CLSPN: variants seen among roughly 807,000 people sequenced by gnomAD.
CLSPN encodes the protein claspin homolog.
Under a neutral mutation model 156.3 loss-of-function variants are expected in CLSPN, and 85 were observed. That is an observed-to-expected ratio of 0.54 (90% CI 0.46 to 0.65). The LOEUF is 0.65. Among genes scored for constraint, CLSPN ranks in the 30% least tolerant of loss-of-function variants. The pLI is 0.00. For synonymous variants in CLSPN, 534 were observed against 542.4 expected, an observed-to-expected ratio of 0.98 and a Z score of 0.22; for missense variants, 1,407 against 1,554.9, an observed-to-expected ratio of 0.90 and a Z score of 1.60.
rs373676836 is a variant in CLSPN at position 35,753,751 on chromosome 1, T to C, written c.1765A>G (p.Lys589Glu). The change falls in exon 9 of 25, where the codon AAA becomes GAA. Residue 589 changes from lysine (K) to glutamate (E), a missense_variant. By Grantham distance (56) the Lys-to-Glu change is moderately conservative. This residue lies in a region of CLSPN where 1,096 missense variants were observed against 1,193.0 expected (regional missense o/e 0.92). Transcript: ENST00000318121. ...PKKLDGASHT[K>E]PGEKLQVLKA... ...AACCTGTGGGCTCAAATACCTGGTT[T>C]TGTGTGGCTTGCTCCATCCAACTTC... is the stretch of plus-strand genomic sequence containing the variant. 7.4e-6 allele frequency: 12 copies of C among 1,614,018 alleles called. No individual in the cohort carries two copies. The African/African-American group carries it at 1.6e-4, about 22-fold the overall frequency.
Position 35,749,529 on chromosome 1 carries a change from T to C in CLSPN, c.2210A>G (p.Tyr737Cys), listed in dbSNP as rs1397423981. Residue 737 changes from tyrosine (Y) to cysteine (C), a missense_variant and splice_region_variant, in exon 12 of 25, where the codon TAC becomes TGC. This residue lies in a region of CLSPN where 1,096 missense variants were observed against 1,193.0 expected (regional missense o/e 0.92). Coordinates refer to ENST00000318121, the MANE Select transcript of CLSPN (RefSeq NM_022111.4). ...TTCTGATTTTTCTTCAGTAGGAAAGTAACTGCAAAATAAGAAAGTAAATTG... is the reference window on the plus strand; with the variant it reads ...TTCTGATTTTTCTTCAGTAGGAAAGCAACTGCAAAATAAGAAAGTAAATTG... ...LFKDSSSKMG[Y>C]FPTEEKSETD... is the part of the protein sequence containing the mutation. 6.2e-7 allele frequency: 1 copy of C among 1,613,974 alleles called. No homozygotes were observed. The highest frequency in any genetic ancestry group is 8.5e-7 in the Non-Finnish European group (1 of 1,179,972).
intron 18 of CLSPN, among the ~76,000 whole-genome samples, chr1:35,742,437 C>G (rs1209377314): frequency 6.6e-6 from 1 of 152,164 alleles, no homozygotes; most frequent in African/African-American, 2.4e-5. Flanking sequence ...TCTTGGCTCA[C>G]TGCAACCTCC....
chr1:35,769,964 T>A lies in CLSPN; in HGVS notation c.-94A>T, dbSNP rs1642814664. The stretch of plus-strand genomic sequence containing the variant: ...GCTCCCGCCGTCTCCAGCCCAGCAG[T>A]GCTGTTCTTGCTTTCCCGCCCAGCC... On this transcript the variant is annotated 5_prime_UTR_variant, in exon 1 of 25. Coordinates refer to ENST00000318121, the MANE Select transcript of CLSPN (RefSeq NM_022111.4). The A allele has an allele frequency of 2.1e-6, 3 of 1,456,070 alleles. No individual in the cohort carries two copies. In the South Asian group the frequency reaches 3.6e-5, roughly 17 times the overall value. The allele number at this position is 1,456,070 out of a possible 1,614,324, so 90.2% of individuals were successfully genotyped here. A position where few individuals can be genotyped will look rare whatever the true frequency, so the allele number is the denominator to read the frequency against.
intron 12 of CLSPN, 42 bp from the exon 13 acceptor site, chr1:35,748,646 A>G (rs1370105794): frequency 6.5e-7 from 1 of 1,532,980 alleles, no homozygotes; most frequent in Non-Finnish European, 9.0e-7. Context: ...GATTACAGAA[A>G]TAAGGTGGAT....
At chr1:35,740,823 T>C (rs931484542) in intron 18 of CLSPN, among the ~76,000 whole-genome samples, 1 of 152,196 alleles carries the variant, frequency 6.6e-6, no homozygotes, top group Non-Finnish European at 1.5e-5. Flanking sequence ...CCACTTACCA[T>C]CTTTGAACAG....
intron 24 of CLSPN, among the ~76,000 whole-genome samples, chr1:35,725,714 C>A (rs535487436): frequency 6.6e-6 from 1 of 152,226 alleles, no homozygotes; most frequent in South Asian, 2.1e-4. Flanking sequence ...GAGGGGGAGG[C>A]CTCAATAGGA....
Position 35,733,678 on chromosome 1 carries a change from G to T in CLSPN, c.*2818C>A. ...CATACAAACTTAGCTAAAGAGAAAG[G>T]CCAATCAAAGCTGTAACAGGCTGGG... On this transcript the variant is annotated 3_prime_UTR_variant, in exon 25 of 25. Coordinates refer to ENST00000318121, the MANE Select transcript of CLSPN (RefSeq NM_022111.4). 1.0e-6 allele frequency: 1 copy of T among 985,360 alleles called. No individual in the cohort carries two copies. Among genetic ancestry groups the T allele is most frequent in the South Asian group, 4.7e-5 (1 of 21,284 alleles). The allele number at this position is 985,360 out of a possible 1,614,324, so 61.0% of individuals were successfully genotyped here.
chr1:35,736,739 G>T, intron 24 of CLSPN, 133 bp from the exon 25 acceptor site: 1 of 1,390,642 alleles, frequency 7.2e-7, no homozygotes, highest in Non-Finnish European at 9.5e-7. Context: ...AAACTTTCTC[G>T]GCAAGTTTAA....
At chr1:35,760,242 T>C (rs974363109) in intron 8 of CLSPN, 100 bp downstream of exon 8, 57 of 887,840 alleles carry the variant, frequency 6.4e-5, no homozygotes, top group Non-Finnish European at 8.6e-5. Flanking sequence ...TCAAAGTGGT[T>C]ATTGGTTCCT....
rs1314352034 is a variant in CLSPN, at chr1:35,732,287, G to A, written c.*4209C>T. On this transcript the variant is annotated 3_prime_UTR_variant, in exon 25 of 25. Transcript: ENST00000318121. ...GAAATACTCTCCTCTATCCTTAGGAGCACAAATCCCAGGACAGGATGCCAC... is the reference window on the plus strand; with the variant it reads ...GAAATACTCTCCTCTATCCTTAGGAACACAAATCCCAGGACAGGATGCCAC... 2 of 985,238 alleles carry A rather than the reference G, an allele frequency of 2.0e-6. No homozygotes were observed. The highest frequency in any genetic ancestry group is 3.5e-5 in the African/African-American group (2 of 57,206). The allele number at this position is 985,238 out of a possible 1,614,324, so 61.0% of individuals were successfully genotyped here. A position where few individuals can be genotyped will look rare whatever the true frequency, so the allele number is the denominator to read the frequency against.
At chr1:35,729,197 C>T (rs981192711), downstream of CLSPN, among the ~76,000 whole-genome samples, 2 of 152,184 alleles carry the variant, frequency 1.3e-5, no homozygotes, top group African/African-American at 2.4e-5. Context: ...ACCCAAACCA[C>T]GGCTCACTCC....
At chr1:35,765,348 T>C (rs1396544345) in intron 1 of CLSPN, 22 bp from the exon 2 acceptor site, 19 of 1,535,812 alleles carry the variant, frequency 1.2e-5, no homozygotes, top group Non-Finnish European at 1.6e-5. Context: ...CAATATACTT[T>C]ATATCAACCA....
chr1:35,745,447 T>C lies in CLSPN; in HGVS notation c.2966+4A>G. ...TCCCAAATTCCCAGCAATCTGAGACTTACTTGTCTGTGGGAAAAGAGCCTG... is the reference window on the plus strand; with the variant it reads ...TCCCAAATTCCCAGCAATCTGAGACCTACTTGTCTGTGGGAAAAGAGCCTG... On this transcript the variant is annotated splice_donor_region_variant and intron_variant, in intron 16 of 24. Coordinates refer to ENST00000318121, the MANE Select transcript of CLSPN (RefSeq NM_022111.4). The C allele has an allele frequency of 6.2e-7, 1 of 1,603,084 alleles. No individual in the cohort carries two copies. Among genetic ancestry groups the C allele is most frequent in the East Asian group, 2.2e-5 (1 of 44,834 alleles).
intron 3 of CLSPN, among the ~76,000 whole-genome samples, chr1:35,763,546 AT>A (rs3833992): frequency 0.11 from 16,919 of 152,122 alleles, 1,657 homozygotes; most frequent in African/African-American, 0.27. Flanking sequence ...AACAGTAAAT[AT>A]TTTTTTGAAG....
downstream of CLSPN, among the ~76,000 whole-genome samples, chr1:35,731,623 T>C (rs114192896): frequency 8.0e-3 from 1,218 of 152,056 alleles, 19 homozygotes; most frequent in African/African-American, 0.024. Context: ...TAGAAAGAAA[T>C]TGTGGAATCT....
At chr1:35,760,296 C>T (rs556736399) in intron 8 of CLSPN, 46 bp downstream of exon 8, 19 of 1,459,614 alleles carry the variant, frequency 1.3e-5, no homozygotes, top group Non-Finnish European at 1.6e-5. Context: ...TCAAAAGCTA[C>T]CAGGATAATC....
chr1:35,743,617 G>T, intron 16 of CLSPN, 87 bp from the exon 17 acceptor site: 1 of 1,084,580 alleles, frequency 9.2e-7, no homozygotes, highest in Non-Finnish European at 1.4e-6. Context: ...AAAAAATTTT[G>T]TGTGTGTTAA....
chr1:35,760,684 G>A lies in CLSPN; in HGVS notation c.1237C>T (p.Gln413Ter). Residue 413 changes from glutamine (Q) to a stop codon, truncating the protein, a stop_gained, in exon 8 of 25, where the codon CAG (glutamine) becomes TAG (stop). Coordinates refer to ENST00000318121, the MANE Select transcript of CLSPN (RefSeq NM_022111.4). LOFTEE classifies it high-confidence loss of function. The stretch of plus-strand genomic sequence containing the variant: ...GAAGGTCTAATGTCACTCTGCTTCT[G>A]TTTCTCCTGAATTTCTAGCTCTTCA... Reference protein sequence around the residue: ...KNEELEIQEKQKQSDIRPSPG... With the variant: ...KNEELEIQEK 6.2e-7 allele frequency: 1 copy of A among 1,614,126 alleles called. No homozygotes were observed. Among genetic ancestry groups the A allele is most frequent in the Non-Finnish European group, 8.5e-7 (1 of 1,180,014 alleles).
At chr1:35,725,043 ATTTCTT>A (rs1319389212) in intron 24 of CLSPN, among the ~76,000 whole-genome samples, 1 of 152,172 alleles carries the variant, frequency 6.6e-6, no homozygotes, top group African/African-American at 2.4e-5. Context: ...CCTTGAAGTA[ATTTCTT>A]TTTCCTCAAC....
Sources: gnomAD v4.1 joint callset for allele counts (sites outside exome capture counted in the v4.1 genomes callset) on GRCh38, gnomAD v4.1.1 for gene constraint, gnomAD v4.1.1 regional missense constraint, MANE v1.5 for transcripts, NCBI Gene and HGNC (gene_info 2026-07-23, HGNC 2026-07-21) for gene names.